Variants in FAM216A observed in about 807,000 individuals in gnomAD.
FAM216A encodes protein FAM216A.
In FAM216A, 26 loss-of-function variants were observed where a neutral mutation model predicts 37.6. The ratio of observed to expected loss-of-function variants is 0.69; its 90% CI spans 0.51 to 0.96. The LOEUF (loss-of-function observed/expected upper bound fraction) is 0.96, where lower values mean the gene tolerates loss of function less well. Ranked by LOEUF, FAM216A falls within the 40% of genes least tolerant of loss-of-function variation. FAM216A has a pLI of 0.00. For synonymous variants in FAM216A, 110 were observed against 121.7 expected (o/e 0.90, Z 0.64); for missense variants, 326 against 339.3 (o/e 0.96, Z 0.31).
intron 1 of FAM216A, 196 bp downstream of exon 1, chr12:110,469,214 G>C (rs2062663387): frequency 1.7e-6 from 1 of 595,212 alleles, no homozygotes; most frequent in Admixed American, 4.2e-5. Flanking sequence ...TCGCGGTTGA[G>C]GGAGGGTCTC....
chr12:110,478,430 G>A (rs1254292560), intron 2 of FAM216A, among the ~76,000 whole-genome samples: 1 of 152,028 alleles, frequency 6.6e-6, no homozygotes, highest in Non-Finnish European at 1.5e-5. Flanking sequence ...CAATTTTGCA[G>A]GTAAAATTAA....
At chr12:110,474,831 G>A (rs989153790) in intron 2 of FAM216A, among the ~76,000 whole-genome samples, 41 of 150,998 alleles carry the variant, frequency 2.7e-4, no homozygotes, top group Non-Finnish European at 4.4e-4. Context: ...GAGAAACCCC[G>A]TCTCTACTAA....
At position 110,476,162 on chromosome 12, in the gene FAM216A, T is replaced by TA. The variant is rs928729430; in HGVS notation, c.184+3052dup. ...CAATAATATCCTTTATAGCCAAAAA[T>TA]AAAAAAAATCCAAGTTTATGAATAG... On this transcript the variant is annotated intron_variant, in intron 2 of 6. Coordinates refer to ENST00000377673, the MANE Select transcript of FAM216A (RefSeq NM_013300.3). 9.3e-5 allele frequency among the ~76,000 whole-genome samples: 14 copies of TA among 151,072 alleles called. No homozygotes were observed. The East Asian group carries it at 9.7e-4, about 10-fold the overall frequency.
intron 6 of FAM216A, 45 bp downstream of exon 6, chr12:110,487,988 C>A: frequency 2.9e-6 from 3 of 1,027,694 alleles, no homozygotes; most frequent in Non-Finnish European, 4.5e-6. Flanking sequence ...AGATCTTATG[C>A]TTAAAAATAC....
intron 2 of FAM216A, among the ~76,000 whole-genome samples, chr12:110,474,719 A>G (rs894603722): frequency 6.1e-5 from 8 of 131,580 alleles, no homozygotes; most frequent in East Asian, 2.5e-4. Flanking sequence ...AAAAAAAAAA[A>G]TGCTGGGCGC....
intron 6 of FAM216A, among the ~76,000 whole-genome samples, chr12:110,489,658 TA>T (rs562054486): frequency 7.3e-4 from 110 of 151,000 alleles, no homozygotes; most frequent in African/African-American, 2.4e-3. Context: ...GCGGAAACTG[TA>T]GGGGGGGGAG....
Position 110,468,965 on chromosome 12 carries a change from T to C in FAM216A, c.90T>C (p.Arg30=). The C allele has an allele frequency of 6.6e-7, 1 of 1,521,196 alleles. No homozygotes were observed. Among genetic ancestry groups the C allele is most frequent in the Non-Finnish European group, 8.8e-7 (1 of 1,137,422 alleles). 94.2% of individuals were successfully genotyped at this position (1,521,196 alleles called of 1,614,324 possible). A position where few individuals can be genotyped will look rare whatever the true frequency, so the allele number is the denominator to read the frequency against. Residue 30 remains arginine, a synonymous_variant, in exon 1 of 7, where the codon CGT becomes CGC. Transcript: ENST00000377673. ...GQGPGSDWTE[R]SSSAEPPAVA... is the part of the protein sequence containing the mutation. ...GTCCGGGGTCCGACTGGACGGAGCG[T>C]AGCTCTTCTGCAGAGCCGCCCGCTG... is the stretch of plus-strand genomic sequence containing the variant.
In FAM216A at chr12:110,486,615, A is replaced by C. The variant is rs149618288; in HGVS notation, c.518A>C (p.Gln173Pro). 64 of 1,614,062 alleles carry C rather than the reference A, an allele frequency of 4.0e-5. No individual in the cohort carries two copies. Among genetic ancestry groups the C allele is most frequent in the Middle Eastern group, 3.3e-4 (2 of 6,084 alleles). Reference sequence around the variant, plus strand: ...TACCCTTGCACTACATGGCGACATCAACTGGAGAGAGAGGACTCGGGGTCT... The same window carrying C: ...TACCCTTGCACTACATGGCGACATCCACTGGAGAGAGAGGACTCGGGGTCT... ...QHYPCTTWRH[Q>P]LEREDSGSSD... is the part of the protein sequence containing the mutation. The change falls in exon 5 of 7, where the codon CAA (glutamine) becomes CCA (proline). Residue 173 changes from glutamine (Q) to proline (P), a missense_variant. Transcript: ENST00000377673.
At chr12:110,470,386 T>C (rs1365085870) in intron 1 of FAM216A, among the ~76,000 whole-genome samples, 1 of 152,084 alleles carries the variant, frequency 6.6e-6, no homozygotes, top group African/African-American at 2.4e-5. Context: ...TGAAGACTTC[T>C]TAAAGATGGG....
chr12:110,470,470 C>T lies in FAM216A; in HGVS notation c.143+1452C>T, dbSNP rs938520996. ...CAGGATCCTGGTGTATCAGGAGATA[C>T]GTGAATTTTTTTTTTTTTTTTTATT... On this transcript the variant is annotated intron_variant, in intron 1 of 6. Transcript: ENST00000377673. Among the ~76,000 whole-genome samples the T allele has an allele frequency of 1.4e-5, 2 of 145,530 alleles. 1 individual carries two copies. Among genetic ancestry groups the T allele is most frequent in the South Asian group, 4.3e-4 (2 of 4,638 alleles).
At chr12:110,477,824 C>T (rs1002476438) in intron 2 of FAM216A, among the ~76,000 whole-genome samples, 5 of 152,120 alleles carry the variant, frequency 3.3e-5, no homozygotes, top group Non-Finnish European at 7.4e-5. Flanking sequence ...TCTCCTGCCT[C>T]AGCCTCCCGA....
At chr12:110,489,650 G>A (rs1444968295) in intron 6 of FAM216A, among the ~76,000 whole-genome samples, 2 of 152,134 alleles carry the variant, frequency 1.3e-5, no homozygotes, top group Admixed American at 6.5e-5. Flanking sequence ...TACAGTTAGC[G>A]GAAACTGTAG....
At chr12:110,484,867 A>G (rs1448216368) in intron 2 of FAM216A, among the ~76,000 whole-genome samples, 1 of 151,552 alleles carries the variant, frequency 6.6e-6, no homozygotes, top group East Asian at 1.9e-4. Flanking sequence ...ATTCTCCTAA[A>G]TTTTTTGTAT....
intron 1 of FAM216A, among the ~76,000 whole-genome samples, chr12:110,470,774 C>A (rs1283087274): frequency 6.6e-6 from 1 of 152,000 alleles, no homozygotes; most frequent in Non-Finnish European, 1.5e-5. Context: ...CTCCGCCTGT[C>A]GTTCATCTCC....
chr12:110,482,518 G>C (rs1362048804), intron 2 of FAM216A, among the ~76,000 whole-genome samples: 1 of 151,924 alleles, frequency 6.6e-6, no homozygotes, highest in Non-Finnish European at 1.5e-5. Flanking sequence ...CCAACAGGCC[G>C]GGCACGGTGG....
At chr12:110,477,619 G>A (rs913030807) in intron 2 of FAM216A, among the ~76,000 whole-genome samples, 1 of 152,070 alleles carries the variant, frequency 6.6e-6, no homozygotes, top group Non-Finnish European at 1.5e-5. Flanking sequence ...GCCTCCCAAA[G>A]TGCTGGGATT....
chr12:110,470,034 C>G (rs2062673614), intron 1 of FAM216A, among the ~76,000 whole-genome samples: 1 of 152,090 alleles, frequency 6.6e-6, no homozygotes, highest in African/African-American at 2.4e-5. Flanking sequence ...AAAGCAAGAA[C>G]TGCGATATGT....
At chr12:110,485,669 C>T (rs368051927) in intron 3 of FAM216A, among the ~76,000 whole-genome samples, 3 of 152,152 alleles carry the variant, frequency 2.0e-5, no homozygotes, top group African/African-American at 2.4e-5. Flanking sequence ...ATCCCATTAA[C>T]GATCGTAACT....
Position 110,490,301 on chromosome 12 carries a change from C to T in FAM216A, c.*164C>T. On this transcript the variant is annotated 3_prime_UTR_variant, in exon 7 of 7. Coordinates refer to ENST00000377673, the MANE Select transcript of FAM216A (RefSeq NM_013300.3). ...AATTGGTCTGATGTAGTTCCATGTA[C>T]CAATGATAGTTATGTAAGAAAATTT... 1 of 625,584 alleles carries T rather than the reference C, an allele frequency of 1.6e-6. No homozygotes were observed. The highest frequency in any genetic ancestry group is 2.8e-6 in the Non-Finnish European group (1 of 351,126). 38.8% of individuals were successfully genotyped at this position (625,584 alleles called of 1,614,324 possible).
Sources: gnomAD v4.1 joint callset for allele counts (sites outside exome capture counted in the v4.1 genomes callset) on GRCh38, gnomAD v4.1.1 for gene constraint, MANE v1.5 for transcripts, NCBI Gene and HGNC (gene_info 2026-07-23, HGNC 2026-07-21) for gene names.